The following PFKFB3 variants were observed in gnomAD, a reference collection of about 807,000 sequenced individuals.
PFKFB3 encodes the protein 6-phosphofructo-2-kinase/fructose-2,6-bisphosphatase 3.
In PFKFB3, 33 loss-of-function variants were observed where a neutral mutation model predicts 68.0. That is an observed-to-expected ratio of 0.49 (90% CI 0.37 to 0.65). The LOEUF (loss-of-function observed/expected upper bound fraction) is 0.65, where lower values mean the gene tolerates loss of function less well. Ranked by LOEUF, PFKFB3 falls within the 30% of genes least tolerant of loss-of-function variation. The pLI is 0.00. For missense variants in PFKFB3, 586 were observed against 712.2 expected (o/e 0.82, Z 2.02); for synonymous variants, 315 against 288.2 (o/e 1.09, Z -0.94).
intron 14 of PFKFB3, among the ~76,000 whole-genome samples, chr10:6,227,791 A>G (rs1845452818): frequency 6.6e-6 from 1 of 152,104 alleles, no homozygotes; most frequent in Admixed American, 6.6e-5. Flanking sequence ...GGACTGGGAG[A>G]GCTCTCATAC....
chr10:6,215,195 C>T lies in PFKFB3; in HGVS notation c.203-26C>T. On this transcript the variant is annotated intron_variant, in intron 2 of 14. Transcript: ENST00000379775. This position sits in a 1 kb window ranked among gnomAD's most constrained non-coding sequence, Gnocchi z 4.3. The stretch of plus-strand genomic sequence containing the variant: ...GGCCCCTTCCTCCTGCTCGATCATC[C>T]AGACTGTTCTCTTTCCCGTCCACAG... 1.3e-6 allele frequency: 2 copies of T among 1,599,994 alleles called. No individual in the cohort carries two copies. The highest frequency in any genetic ancestry group is 1.7e-6 in the Non-Finnish European group (2 of 1,167,362).
intron 1 of PFKFB3, among the ~76,000 whole-genome samples, chr10:6,192,534 G>A (rs1200646252): frequency 6.6e-6 from 1 of 152,166 alleles, no homozygotes; most frequent in Non-Finnish European, 1.5e-5. Flanking sequence ...GGCCGGCCTT[G>A]CCTGGCCCCT....
At chr10:6,165,493 C>T (rs1201091203) in intron 1 of PFKFB3, among the ~76,000 whole-genome samples, 1 of 152,202 alleles carries the variant, frequency 6.6e-6, no homozygotes, top group Non-Finnish European at 1.5e-5. Context: ...CTTTCCTTCT[C>T]CCTGGGGGCA....
downstream of PFKFB3, among the ~76,000 whole-genome samples, chr10:6,238,594 G>A (rs1457557026): frequency 6.7e-6 from 1 of 150,108 alleles, no homozygotes; most frequent in African/African-American, 2.5e-5. Context: ...AGGTACATGT[G>A]CAGGATGTAT....
At chr10:6,293,814 A>G in the PFKFB3 span, 13 of 407,026 alleles carry the variant, frequency 3.2e-5, no homozygotes, top group South Asian at 2.6e-4. Context: ...AGTTTTCACC[A>G]TTGATTTGGA....
chr10:6,147,479 C>T (rs963943152), intron 1 of PFKFB3, among the ~76,000 whole-genome samples: 2 of 152,102 alleles, frequency 1.3e-5, no homozygotes, highest in African/African-American at 4.8e-5. Context: ...AGGGGCCCAG[C>T]GGGTACCAGG....
At chr10:6,219,928 T>TAA (rs1844837579) in intron 7 of PFKFB3, among the ~76,000 whole-genome samples, 1 of 152,156 alleles carries the variant, frequency 6.6e-6, no homozygotes, top group African/African-American at 2.4e-5. Context: ...AAATATCTTT[T>TAA]AAAAACAATC....
the PFKFB3 span, among the ~76,000 whole-genome samples, chr10:6,295,106 C>G: frequency 1.3e-5 from 2 of 151,872 alleles, no homozygotes; most frequent in South Asian, 4.1e-4. Context: ...TCACTGTTTG[C>G]TGTAGCTGTA....
intron 14 of PFKFB3, among the ~76,000 whole-genome samples, chr10:6,244,133 G>A (rs1431532040): frequency 6.6e-6 from 1 of 152,180 alleles, no homozygotes; most frequent in African/African-American, 2.4e-5. Context: ...TGGGATTACA[G>A]GTGTGAGCCA....
chr10:6,167,759 C>G (rs776391139), intron 1 of PFKFB3, among the ~76,000 whole-genome samples: 1 of 152,194 alleles, frequency 6.6e-6, no homozygotes, highest in Non-Finnish European at 1.5e-5. Context: ...ATCCTCTTTT[C>G]TTCCTTTCAA....
chr10:6,145,125 C>G (rs1031486703), intron 1 of PFKFB3: 1 of 860,160 alleles, frequency 1.2e-6, no homozygotes, highest in Non-Finnish European at 1.6e-6. Flanking sequence ...ACTGTGCACC[C>G]GGGCTGCGGC....
chr10:6,307,332 C>A, the PFKFB3 span, among the ~76,000 whole-genome samples: 25 of 3,652 alleles, frequency 6.8e-3, 1 homozygote, highest in South Asian at 0.02. Flanking sequence ...ATGCGTACTA[C>A]ACACACACAC....
chr10:6,207,306 C>T (rs958327387), intron 1 of PFKFB3, among the ~76,000 whole-genome samples: 1 of 152,256 alleles, frequency 6.6e-6, no homozygotes, highest in African/African-American at 2.4e-5. Context: ...GGCGTGGCGG[C>T]GCCTCCTGCA....
In PFKFB3 at chr10:6,220,274, T is replaced by C. The variant is rs977575883; in HGVS notation, c.624-384T>C. Among the ~76,000 whole-genome samples, 3 of 150,824 alleles carry C rather than the reference T, an allele frequency of 2.0e-5. No individual in the cohort carries two copies. Among genetic ancestry groups the C allele is most frequent in the Admixed American group, 1.3e-4 (2 of 15,194 alleles). On this transcript the variant is annotated intron_variant, in intron 7 of 14. Coordinates refer to ENST00000379775, the MANE Select transcript of PFKFB3 (RefSeq NM_004566.4). The surrounding 1 kb of genome is among the most constrained non-coding windows in gnomAD (Gnocchi z 4.1). ...GGGTGTCCACGCCCAGCTAATTTTT[T>C]TTTTCTTTAGTAGAGATGAGGTCTT...
intron 1 of PFKFB3, among the ~76,000 whole-genome samples, chr10:6,171,909 C>T (rs1236830988): frequency 6.6e-6 from 1 of 152,192 alleles, no homozygotes; most frequent in Non-Finnish European, 1.5e-5. Flanking sequence ...TTGGAGATGG[C>T]GTTCAGATGC....
intron 13 of PFKFB3, chr10:6,224,663 T>A (rs1018373890): frequency 3.0e-6 from 1 of 337,820 alleles, no homozygotes; most frequent in African/African-American, 2.2e-5. Flanking sequence ...ATTTATTCAT[T>A]TTTTTAGATA....
At chr10:6,289,237 T>C in the PFKFB3 span, among the ~76,000 whole-genome samples, 1 of 148,456 alleles carries the variant, frequency 6.7e-6, no homozygotes, top group South Asian at 2.2e-4. Context: ...TTTTGGCTTT[T>C]GTTGCCATTG....
intron 1 of PFKFB3, among the ~76,000 whole-genome samples, chr10:6,172,958 C>T (rs75579636): frequency 0.012 from 1,812 of 152,312 alleles, 17 homozygotes; most frequent in Middle Eastern, 0.02. Context: ...ATCTCCCACA[C>T]CTTCACCTCC....
chr10:6,216,672 A>G lies in PFKFB3; in HGVS notation c.367-34A>G, dbSNP rs1844608476. The G allele has an allele frequency of 3.5e-6, 5 of 1,423,512 alleles. No homozygotes were observed. In the East Asian group the frequency reaches 1.1e-4, roughly 32 times the overall value. The allele number at this position is 1,423,512 out of a possible 1,614,324, so 88.2% of individuals were successfully genotyped here. ...TAAACGTTGTTAAACTCAAACTTAG[A>G]GTTTTCTTCCTGGCCCTTTGCTCTC... On this transcript the variant is annotated intron_variant, in intron 4 of 14. Coordinates refer to ENST00000379775, the MANE Select transcript of PFKFB3 (RefSeq NM_004566.4).
Sources: allele counts gnomAD v4.1 joint callset (sites outside exome capture counted in the v4.1 genomes callset), GRCh38; gene constraint gnomAD v4.1.1; non-coding constraint Gnocchi (gnomAD v3.1); transcripts MANE v1.5; gene names NCBI Gene and HGNC (gene_info 2026-07-23, HGNC 2026-07-21).